The following RGS5 variants were observed in gnomAD, a reference collection of about 807,000 sequenced individuals.
RGS5 encodes regulator of G-protein signalling 5.
A neutral mutation model predicts 18.9 loss-of-function variants in RGS5; 20 were observed. The ratio of observed to expected loss-of-function variants is 1.06; its 90% confidence interval spans 0.74 to 1.54. RGS5 has a LOEUF of 1.54. Among genes scored for constraint, RGS5 ranks in the 40% most tolerant of loss-of-function variants. The probability of loss-of-function intolerance (pLI) is 0.00; values close to 1 mark genes in which losing one functional copy is unlikely to be tolerated. For missense variants in RGS5, 201 were observed against 211.8 expected (o/e 0.95, Z 0.32); for synonymous variants, 57 against 76.2 (o/e 0.75, Z 1.31).
chr1:163,247,582 T>TTTTATA (rs1553223593), intron 2 of RGS5, among the ~76,000 whole-genome samples: 3 of 147,596 alleles, frequency 2.0e-5, no homozygotes, highest in Non-Finnish European at 4.5e-5. Context: ...AGAAGTTGAT[T>TTTTATA]TATATATATA....
chr1:163,226,636 A>C lies in RGS5; in HGVS notation c.-280-58268T>G, dbSNP rs537408756. ...TATATTAGACAAAGAATATGCCAGA[A>C]CTTGACTTTGCTCAAAAAGCAAACT... is the stretch of plus-strand genomic sequence containing the variant. On this transcript the variant is annotated intron_variant, in intron 2 of 5. Transcript: ENST00000618415. Among the ~76,000 whole-genome samples, 3 of 152,318 alleles carry C rather than the reference A, an allele frequency of 2.0e-5. No homozygotes were observed. In the South Asian group the frequency reaches 6.2e-4, roughly 32 times the overall value.
intron 1 of RGS5, among the ~76,000 whole-genome samples, chr1:163,171,433 C>G (rs1349741046): frequency 2.0e-5 from 3 of 152,164 alleles, no homozygotes; most frequent in African/African-American, 7.2e-5. Context: ...CATGCTGCAA[C>G]TGTTTTCAGT....
chr1:163,208,865 T>C lies in RGS5; in HGVS notation c.69+8661A>G, dbSNP rs375016096. ...ATCAGAGACTGGCATGCCTCATTCT[T>C]AGTACAAGAAAGAAGACAAAAAATA... On this transcript the variant is annotated intron_variant, in intron 1 of 5. Coordinates refer to the RGS5 transcript ENST00000367903. 1.4e-4 allele frequency among the ~76,000 whole-genome samples: 21 copies of C among 152,084 alleles called. 1 individual carries two copies. The highest frequency in any genetic ancestry group is 4.8e-4 in the African/African-American group (20 of 41,492).
intron 1 of RGS5, chr1:163,319,107 T>C (rs1037497271): frequency 6.6e-6 from 1 of 152,068 alleles, no homozygotes; most frequent in Non-Finnish European, 1.5e-5. Flanking sequence ...AAAGTAGAAA[T>C]AACAATTTGG....
intron 2 of RGS5, among the ~76,000 whole-genome samples, chr1:163,300,981 A>T (rs991748725): frequency 1.3e-5 from 2 of 152,198 alleles, no homozygotes; most frequent in African/African-American, 2.4e-5. Context: ...CTGGTATGGG[A>T]AGACAAGGGA....
chr1:163,230,346 A>G (rs1244025684), intron 2 of RGS5, among the ~76,000 whole-genome samples: 1 of 152,160 alleles, frequency 6.6e-6, no homozygotes, highest in Non-Finnish European at 1.5e-5. Flanking sequence ...TATTTTTTTC[A>G]ATCCTATTTT....
chr1:163,230,366 T>C (rs544421842), intron 2 of RGS5, among the ~76,000 whole-genome samples: 10 of 152,230 alleles, frequency 6.6e-5, no homozygotes, highest in African/African-American at 2.4e-4. Flanking sequence ...TCTCCCCTAT[T>C]AGCCAGGCCA....
chr1:163,299,200 G>T (rs1216718013), intron 2 of RGS5, among the ~76,000 whole-genome samples: 5 of 152,202 alleles, frequency 3.3e-5, no homozygotes, highest in African/African-American at 1.2e-4. Context: ...TATACAGGAG[G>T]AGTAAATTTG....
At chr1:163,277,957 T>A (rs183706538) in intron 2 of RGS5, among the ~76,000 whole-genome samples, 150 of 151,908 alleles carry the variant, frequency 9.9e-4, no homozygotes, top group Non-Finnish European at 1.8e-3. Context: ...AGAGATCTTT[T>A]GAAATAACCC....
At chr1:163,147,911 T>A (rs896515297) in intron 4 of RGS5, among the ~76,000 whole-genome samples, 2 of 83,774 alleles carry the variant, frequency 2.4e-5, no homozygotes, top group South Asian at 1.2e-3. Context: ...GGTGCTTTTT[T>A]CTTTTTCTTT....
chr1:163,266,468 A>T (rs12744440), intron 2 of RGS5: 43,807 of 151,956 alleles, frequency 0.29, 6,454 homozygotes, highest in Non-Finnish European at 0.32. Flanking sequence ...AGCTCCCTAC[A>T]TTTTATAGAT....
intron 1 of RGS5, among the ~76,000 whole-genome samples, chr1:163,213,528 C>G (rs1660151371): frequency 6.6e-6 from 1 of 152,096 alleles, no homozygotes; most frequent in South Asian, 2.1e-4. Flanking sequence ...AAGCCACAAG[C>G]TAAAGATGGT....
intron 1 of RGS5, among the ~76,000 whole-genome samples, chr1:163,214,031 A>G (rs1660166276): frequency 6.6e-6 from 1 of 151,978 alleles, no homozygotes. Flanking sequence ...ATTGAACTCT[A>G]CTTTCTCACC....
Position 163,270,146 on chromosome 1 carries a change from C to T in RGS5, c.-281+36087G>A, listed in dbSNP as rs567309620. On this transcript the variant is annotated intron_variant, in intron 2 of 5. Transcript: ENST00000618415. ...CATGAATATAGAGTCGGCATATATG[C>T]ACTTGGGGTCACTTCCTCTAATCGC... Among the ~76,000 whole-genome samples the T allele has an allele frequency of 1.3e-4, 20 of 152,112 alleles. 1 individual carries two copies. In the South Asian group the frequency reaches 3.9e-3, roughly 30 times the overall value.
At chr1:163,224,764 T>A (rs999751946) in intron 2 of RGS5, among the ~76,000 whole-genome samples, 2 of 152,210 alleles carry the variant, frequency 1.3e-5, no homozygotes, top group African/African-American at 4.8e-5. Context: ...CTCATTCTGC[T>A]TTGATTTGCA....
chr1:163,217,653 C>A, upstream of RGS5: 1 of 1,502,130 alleles, frequency 6.7e-7, no homozygotes, highest in South Asian at 1.3e-5. Context: ...GGCTAGTGTT[C>A]CTTAGAATTT....
chr1:163,231,424 G>A lies in RGS5; in HGVS notation c.-280-63056C>T, dbSNP rs141368621. 5.4e-3 allele frequency among the ~76,000 whole-genome samples: 818 copies of A among 152,260 alleles called. 10 individuals carry two copies. Among genetic ancestry groups the A allele is most frequent in the African/African-American group, 0.018 (762 of 41,558 alleles). ...AGTTTGTGATCATGTTAGGGACTAGGAGAGCAGTATGTTTTGCAGGAGTAA... is the reference window on the plus strand; with the variant it reads ...AGTTTGTGATCATGTTAGGGACTAGAAGAGCAGTATGTTTTGCAGGAGTAA... On this transcript the variant is annotated intron_variant, in intron 2 of 5. Transcript: ENST00000618415.
chr1:163,192,030 C>T (rs1333955427), intron 1 of RGS5, among the ~76,000 whole-genome samples: 1 of 152,150 alleles, frequency 6.6e-6, no homozygotes, highest in Non-Finnish European at 1.5e-5. Flanking sequence ...GGCTCTGTGC[C>T]CCTTCCCATA....
At chr1:163,318,579 G>A (rs1571362503) in intron 1 of RGS5, among the ~76,000 whole-genome samples, 2 of 152,120 alleles carry the variant, frequency 1.3e-5, no homozygotes, top group African/African-American at 2.4e-5. Context: ...TGAGCAAATA[G>A]GTTAAAACAA....
Sources: allele counts gnomAD v4.1 joint callset (sites outside exome capture counted in the v4.1 genomes callset), GRCh38; gene constraint gnomAD v4.1.1; transcripts MANE v1.5; gene names NCBI Gene and HGNC (gene_info 2026-07-23, HGNC 2026-07-21).